Variants in ATE1 observed in about 807,000 individuals in gnomAD.
ATE1 encodes arginyl-tRNA--protein transferase 1.
ATE1 carries 36 observed loss-of-function variants against 70.5 expected under a neutral mutation model. That is an observed-to-expected ratio of 0.51 (90% confidence interval 0.39 to 0.67). The LOEUF (loss-of-function observed/expected upper bound fraction) is 0.67, where lower values mean the gene tolerates loss of function less well. ATE1 is among the 30% of genes least tolerant of loss of function. The pLI, the probability that ATE1 is intolerant of heterozygous loss-of-function variation, is 0.00. For missense variants in ATE1, 593 were observed against 629.5 expected (o/e 0.94, Z 0.62); for synonymous variants, 232 against 219.3 (o/e 1.06, Z -0.51).
Position 121,753,438 on chromosome 10 carries a change from T to C in ATE1, c.1379-9580A>G, listed in dbSNP as rs1944668180. Among the ~76,000 whole-genome samples, 3 of 152,198 alleles carry C rather than the reference T, an allele frequency of 2.0e-5. No individual in the cohort carries two copies. In the South Asian group the frequency reaches 6.2e-4, roughly 32 times the overall value. On this transcript the variant is annotated intron_variant, in intron 11 of 11. Transcript: ENST00000224652. ...AAGTCACATAACAAAATATAAATTA[T>C]ATAATTTATCAAGATGATTCTAGCC... is the stretch of plus-strand genomic sequence containing the variant.
intron 10 of ATE1, among the ~76,000 whole-genome samples, chr10:121,836,031 C>A (rs1318801747): frequency 6.6e-6 from 1 of 152,172 alleles, no homozygotes; most frequent in Non-Finnish European, 1.5e-5. Context: ...CAGGGTCCTG[C>A]ACAGTCCTTC....
chr10:121,787,676 C>T (rs1361474255), intron 11 of ATE1, among the ~76,000 whole-genome samples: 1 of 152,132 alleles, frequency 6.6e-6, no homozygotes, highest in Non-Finnish European at 1.5e-5. Context: ...CTACTAGTTA[C>T]AGGAAAAGAA....
At chr10:121,898,344 T>C (rs2134275142) in intron 7 of ATE1, among the ~76,000 whole-genome samples, 1 of 152,348 alleles carries the variant, frequency 6.6e-6, no homozygotes, top group South Asian at 2.1e-4. Context: ...ATAGGCTTTG[T>C]GTTAGATGAT....
chr10:121,902,665 GAA>G, intron 5 of ATE1, 45 bp from the exon 6 acceptor site: 4 of 1,532,332 alleles, frequency 2.6e-6, no homozygotes, highest in Non-Finnish European at 3.5e-6. Context: ...TTTGGTTCTA[GAA>G]AAGTTTTTTC....
rs537786133 is a variant in ATE1 at position 121,896,450 on chromosome 10, G to A, written c.942+3416C>T. 2.0e-3 allele frequency among the ~76,000 whole-genome samples: 310 copies of A among 152,262 alleles called. 4 individuals are homozygous for A. The highest frequency in any genetic ancestry group is 3.0e-3 in the Non-Finnish European group (204 of 68,024). On this transcript the variant is annotated intron_variant, in intron 7 of 11. Transcript: ENST00000224652. ...GTTGAAGACTGCTGATAGGTATGTC[G>A]CAGTTTAAGTATTTCTAAAATATTA...
chr10:121,850,964 G>A (rs1193038692), intron 8 of ATE1, among the ~76,000 whole-genome samples: 1 of 151,594 alleles, frequency 6.6e-6, no homozygotes, highest in East Asian at 1.9e-4. Flanking sequence ...GGTGGCGGGA[G>A]GCTGGAGTCC....
intron 7 of ATE1, among the ~76,000 whole-genome samples, chr10:121,870,475 CAGGGGAGAGGAAAGACCAA>C (rs886617692): frequency 3.4e-5 from 5 of 145,190 alleles, no homozygotes; most frequent in African/African-American, 7.3e-5. Context: ...GAGGAAAGAC[CAGGGGAGAGGAAAGACCAA>C]GAGAGAGGTC....
At chr10:121,862,382 A>G (rs1411619998) in intron 8 of ATE1, among the ~76,000 whole-genome samples, 1 of 151,858 alleles carries the variant, frequency 6.6e-6, no homozygotes, top group African/African-American at 2.4e-5. Flanking sequence ...TTAGGTTCCT[A>G]TGGTTCTTTC....
chr10:121,906,648 G>C (rs1951206579), intron 5 of ATE1, among the ~76,000 whole-genome samples: 1 of 151,970 alleles, frequency 6.6e-6, no homozygotes, highest in Non-Finnish European at 1.5e-5. Context: ...ACCCAGGCTG[G>C]AGTGCAGTGG....
At chr10:121,817,890 G>T (rs373000385) in intron 10 of ATE1, among the ~76,000 whole-genome samples, 48 of 152,072 alleles carry the variant, frequency 3.2e-4, no homozygotes, top group Middle Eastern at 6.8e-3. Flanking sequence ...GTAAAGAAGG[G>T]ATTAAAAATA....
chr10:121,794,185 T>C (rs11200160), intron 10 of ATE1, among the ~76,000 whole-genome samples: 100,711 of 152,054 alleles, frequency 0.66, 33,477 homozygotes, highest in African/African-American at 0.72. Context: ...CAGTACCACA[T>C]AGTTTTAACT....
rs375370153 is a variant in ATE1, at chr10:121,825,234, G to A, written c.1257+11484C>T. Among the ~76,000 whole-genome samples the A allele has an allele frequency of 2.0e-5, 3 of 152,052 alleles. No homozygotes were observed. In the East Asian group the frequency reaches 5.8e-4, roughly 29 times the overall value. On this transcript the variant is annotated intron_variant, in intron 10 of 11. Coordinates refer to ENST00000224652, the MANE Select transcript of ATE1 (RefSeq NM_001001976.3). Reference sequence around the variant, plus strand: ...AAGGTTAATATGATGAGTATCATTAGGCACACAATTAAAATCTGAATGAAG... The same window carrying A: ...AAGGTTAATATGATGAGTATCATTAAGCACACAATTAAAATCTGAATGAAG...
chr10:121,843,141 G>A (rs1156272071), intron 8 of ATE1, among the ~76,000 whole-genome samples: 1 of 151,918 alleles, frequency 6.6e-6, no homozygotes, highest in Non-Finnish European at 1.5e-5. Context: ...AGAATACAAG[G>A]GTAATATACA....
intron 7 of ATE1, among the ~76,000 whole-genome samples, chr10:121,896,426 T>C (rs1185907746): frequency 6.6e-6 from 1 of 152,230 alleles, no homozygotes; most frequent in Non-Finnish European, 1.5e-5. Flanking sequence ...TTGAGGCTAG[T>C]TGAAGACTGC....
intron 8 of ATE1, among the ~76,000 whole-genome samples, chr10:121,844,041 T>C (rs79960024): frequency 0.12 from 18,312 of 152,258 alleles, 1,436 homozygotes; most frequent in East Asian, 0.33. Context: ...TGATAAAGAA[T>C]TGGTATCCAA....
At chr10:121,848,534 CT>C (rs2133851193) in intron 8 of ATE1, among the ~76,000 whole-genome samples, 1 of 149,416 alleles carries the variant, frequency 6.7e-6, no homozygotes, top group Non-Finnish European at 1.5e-5. Flanking sequence ...AGGAAAATCG[CT>C]TGAACCCGGA....
At chr10:121,867,695 C>T (rs941799168) in intron 8 of ATE1, among the ~76,000 whole-genome samples, 9 of 152,206 alleles carry the variant, frequency 5.9e-5, no homozygotes, top group African/African-American at 1.9e-4. Context: ...CATCTCCTTT[C>T]TACTTTTCTG....
chr10:121,822,474 T>C (rs1947837294), intron 10 of ATE1, among the ~76,000 whole-genome samples: 1 of 152,204 alleles, frequency 6.6e-6, no homozygotes, highest in Non-Finnish European at 1.5e-5. Flanking sequence ...GTGCTCACTT[T>C]GTGAAAATTC....
At chr10:121,771,595 T>A (rs1945520391) in intron 11 of ATE1, among the ~76,000 whole-genome samples, 1 of 152,250 alleles carries the variant, frequency 6.6e-6, no homozygotes, top group Non-Finnish European at 1.5e-5. Context: ...GTTTTATTTT[T>A]AATCCCAAAC....
Sources: allele counts gnomAD v4.1 joint callset (sites outside exome capture counted in the v4.1 genomes callset), GRCh38; gene constraint gnomAD v4.1.1; transcripts MANE v1.5; gene names NCBI Gene and HGNC (gene_info 2026-07-23, HGNC 2026-07-21).